TNKS: variants seen among roughly 807,000 people sequenced by gnomAD.
TNKS encodes tankyrase.
TNKS carries 72 observed loss-of-function variants against 135.8 expected under a neutral mutation model. The observed-to-expected ratio is 0.53, with a 90% CI of 0.44 to 0.64. TNKS has a LOEUF of 0.64. TNKS is among the 30% of genes least tolerant of loss of function. The pLI is 0.00. For synonymous variants in TNKS, 849 were observed against 649.3 expected (o/e 1.31, Z -4.68); for missense variants, 1,769 against 1,674.0 (o/e 1.06, Z -0.99).
chr8:9,577,366 T>G (rs146848660), intron 1 of TNKS, among the ~76,000 whole-genome samples: 2,853 of 152,314 alleles, frequency 0.019, 38 homozygotes, highest in Admixed American at 0.031. Context: ...TAGTCCGTTC[T>G]TGCATTGCTA....
intron 2 of TNKS, among the ~76,000 whole-genome samples, chr8:9,598,765 GTA>G (rs71201956): frequency 0.014 from 662 of 48,922 alleles, 4 homozygotes; most frequent in Admixed American, 0.02. Flanking sequence ...ATGTGTGTGT[GTA>G]TATATATATA....
Position 9,560,493 on chromosome 8 carries a change from CTTTTTTTTTTTTTT to C in TNKS, c.673+3898_673+3911del, listed in dbSNP as rs535715245. Among the ~76,000 whole-genome samples the C allele has an allele frequency of 6.3e-3, 268 of 42,314 alleles. 2 individuals are homozygous for C. The highest frequency in any genetic ancestry group is 0.031 in the African/African-American group (256 of 8,320). 27.8% of individuals were successfully genotyped at this position (42,314 alleles called of 152,430 possible). ...GATTTTTCAGCATGGCCATACTTGT[CTTTTTTTTTTTTTT>C]TTTTTTTTTTTTTTTTCATTTCTCG... On this transcript the variant is annotated intron_variant, in intron 1 of 26. Transcript: ENST00000310430.
chr8:9,639,885 A>C (rs1800657997), intron 3 of TNKS, among the ~76,000 whole-genome samples: 1 of 152,164 alleles, frequency 6.6e-6, no homozygotes, highest in Admixed American at 6.5e-5. Flanking sequence ...TCTTCCAGTA[A>C]ATTGTGTGAA....
chr8:9,758,085 A>C (rs912349649), intron 20 of TNKS, among the ~76,000 whole-genome samples: 2 of 152,190 alleles, frequency 1.3e-5, no homozygotes, highest in African/African-American at 4.8e-5. Flanking sequence ...TACTATTTTT[A>C]TGACTTCTCT....
chr8:9,775,937 G>C (rs1808205313), intron 26 of TNKS, among the ~76,000 whole-genome samples: 1 of 151,876 alleles, frequency 6.6e-6, no homozygotes, highest in African/African-American at 2.4e-5. Context: ...CCAAATTGCT[G>C]CCTTCACTGC....
chr8:9,563,399 G>A (rs1444949262), intron 1 of TNKS, among the ~76,000 whole-genome samples: 2 of 151,984 alleles, frequency 1.3e-5, no homozygotes, highest in African/African-American at 4.8e-5. Context: ...AGGCTTTGTA[G>A]CCATATGGTC....
intron 2 of TNKS, among the ~76,000 whole-genome samples, chr8:9,613,338 A>C (rs4840431): frequency 0.29 from 43,851 of 151,928 alleles, 6,634 homozygotes; most frequent in East Asian, 0.39. Context: ...ATGCTCCCTG[A>C]CCAGCACCTT....
chr8:9,623,996 A>G (rs997738706), intron 3 of TNKS, among the ~76,000 whole-genome samples: 1 of 152,100 alleles, frequency 6.6e-6, no homozygotes, highest in Non-Finnish European at 1.5e-5. Flanking sequence ...AGCAAGAGAC[A>G]TCGTCTCAAG....
Position 9,678,860 on chromosome 8 carries a change from G to A in TNKS, c.995-1091G>A, listed in dbSNP as rs574848019. On this transcript the variant is annotated intron_variant, in intron 3 of 26. Transcript: ENST00000310430. The stretch of plus-strand genomic sequence containing the variant: ...TTTATTATATGAGCACTTAGTATTT[G>A]CTTTCATGTAATTATTTGTTGAGAT... 8.5e-5 allele frequency among the ~76,000 whole-genome samples: 13 copies of A among 152,152 alleles called. No homozygotes were observed. In the East Asian group the frequency reaches 2.3e-3, roughly 27 times the overall value.
At chr8:9,670,242 G>T (rs1802213660) in intron 3 of TNKS, 1 of 152,186 alleles carries the variant, frequency 6.6e-6, no homozygotes, top group Non-Finnish European at 1.5e-5. Context: ...TTTTTCAAAA[G>T]TTAGTTTGTG....
chr8:9,683,733 G>A (rs1322684168), intron 5 of TNKS, among the ~76,000 whole-genome samples: 1 of 151,690 alleles, frequency 6.6e-6, no homozygotes, highest in African/African-American at 2.4e-5. Flanking sequence ...TAAATTTTAA[G>A]TACTCTTAAT....
chr8:9,713,499 TA>T (rs2128810203), intron 11 of TNKS, among the ~76,000 whole-genome samples: 1 of 152,312 alleles, frequency 6.6e-6, no homozygotes, highest in South Asian at 2.1e-4. Context: ...ATTTGCCCTT[TA>T]TGTGCACAGT....
intron 11 of TNKS, among the ~76,000 whole-genome samples, chr8:9,715,171 A>G (rs1431633556): frequency 1.3e-5 from 2 of 152,146 alleles, no homozygotes; most frequent in African/African-American, 4.8e-5. Flanking sequence ...CCGTTTTTAT[A>G]TGAGGGCTTT....
chr8:9,569,009 C>T (rs571233431), intron 1 of TNKS, among the ~76,000 whole-genome samples: 3 of 152,184 alleles, frequency 2.0e-5, no homozygotes, highest in Non-Finnish European at 1.5e-5. Context: ...CAAATGTTGA[C>T]ACATTTTACT....
At chr8:9,685,751 A>G (rs192133022) in intron 5 of TNKS, among the ~76,000 whole-genome samples, 9 of 152,326 alleles carry the variant, frequency 5.9e-5, no homozygotes, top group Non-Finnish European at 8.8e-5. Flanking sequence ...TACATTCTTG[A>G]GATATATGCC....
intron 3 of TNKS, among the ~76,000 whole-genome samples, chr8:9,662,241 C>T (rs1351051615): frequency 6.6e-6 from 1 of 152,176 alleles, no homozygotes; most frequent in Non-Finnish European, 1.5e-5. Context: ...CATCCCATTA[C>T]TGGGTATATA....
chr8:9,707,989 A>T (rs1273478540), intron 8 of TNKS, among the ~76,000 whole-genome samples: 7 of 152,186 alleles, frequency 4.6e-5, no homozygotes, highest in African/African-American at 1.7e-4. Context: ...ACCACTGTAT[A>T]CTTTCATGTC....
At chr8:9,643,174 C>T (rs1424106380) in intron 3 of TNKS, among the ~76,000 whole-genome samples, 1 of 146,300 alleles carries the variant, frequency 6.8e-6, no homozygotes, top group Non-Finnish European at 1.5e-5. Flanking sequence ...GGCAGTGCCA[C>T]CTTGCACCCA....
chr8:9,574,122 C>T (rs988105446), intron 1 of TNKS, among the ~76,000 whole-genome samples: 2 of 152,140 alleles, frequency 1.3e-5, no homozygotes, highest in African/African-American at 4.8e-5. Flanking sequence ...TTCTTCACTG[C>T]CAGCACACCA....
Sources: gnomAD v4.1 joint callset for allele counts (sites outside exome capture counted in the v4.1 genomes callset) on GRCh38, gnomAD v4.1.1 for gene constraint, MANE v1.5 for transcripts, NCBI Gene and HGNC (gene_info 2026-07-23, HGNC 2026-07-21) for gene names.